The following MASP1 variants were observed in gnomAD, a reference collection of about 807,000 sequenced individuals.
The protein encoded by MASP1 is mannan-binding lectin serine protease 1.
In MASP1, 59 loss-of-function variants were observed where a neutral mutation model predicts 77.1. That is an observed-to-expected ratio of 0.77 (90% CI 0.62 to 0.95). The LOEUF (loss-of-function observed/expected upper bound fraction) is 0.95, where lower values mean the gene tolerates loss of function less well. Among genes scored for constraint, MASP1 ranks in the 40% least tolerant of loss-of-function variants. The probability of loss-of-function intolerance (pLI) is 0.00; values close to 1 mark genes in which losing one functional copy is unlikely to be tolerated. For synonymous variants in MASP1, 362 were observed against 354.5 expected (o/e 1.02, Z -0.24); for missense variants, 885 against 912.9 (o/e 0.97, Z 0.39).
downstream of MASP1, among the ~76,000 whole-genome samples, chr3:187,230,464 A>G (rs1712701942): frequency 6.6e-6 from 1 of 152,224 alleles, no homozygotes; most frequent in Admixed American, 6.5e-5. Flanking sequence ...ATGTGTGCCT[A>G]TAAATTCCCT....
At chr3:187,220,223 T>C (rs372416805) in exon 16 of MASP1, 8 of 1,614,070 alleles carry the variant, frequency 5.0e-6, no homozygotes, top group African/African-American at 2.7e-5. Flanking sequence ...AGGGTCACCA[T>C]GGGGCCTCCA....
intron 2 of MASP1, among the ~76,000 whole-genome samples, chr3:187,268,544 G>GAAAAGAAAAT (rs1457908821): frequency 2.2e-4 from 18 of 83,248 alleles, no homozygotes; most frequent in Non-Finnish European, 3.4e-4. Flanking sequence ...GAAAAGAAAA[G>GAAAAGAAAAT]AAAATAGAAA....
chr3:187,268,588 G>T (rs1293790999), intron 2 of MASP1, among the ~76,000 whole-genome samples: 1 of 151,964 alleles, frequency 6.6e-6, no homozygotes, highest in East Asian at 1.9e-4. Context: ...AGGACTGTAT[G>T]TAGTGAACTT....
chr3:187,247,442 G>A, intron 8 of MASP1: 2 of 1,593,980 alleles, frequency 1.3e-6, no homozygotes, highest in South Asian at 2.2e-5. Context: ...AGGAAGCAGA[G>A]AGAGGAAGAG....
rs2108552089 is a variant in MASP1, at chr3:187,256,754, C to T, written c.654G>A (p.Leu218=). ...KSSECLYTIE[L]EEGFMVNLQF... Reference sequence around the variant, plus strand: ...GCAGGTTGACCATGAAACCCTCCTCCAGCTCGATGGTATACAGGCATTCAG... The same window carrying T: ...GCAGGTTGACCATGAAACCCTCCTCTAGCTCGATGGTATACAGGCATTCAG... Residue 218 remains leucine (L), a synonymous_variant, in exon 5 of 11, where the codon CTG becomes CTA. Coordinates refer to ENST00000296280, the MANE Select transcript of MASP1 (RefSeq NM_139125.4). The T allele has an allele frequency of 6.2e-7, 1 of 1,613,996 alleles. No homozygotes were observed. Among genetic ancestry groups the T allele is most frequent in the Non-Finnish European group, 8.5e-7 (1 of 1,180,014 alleles).
intron 3 of MASP1, among the ~76,000 whole-genome samples, chr3:187,261,287 A>G (rs995540496): frequency 1.3e-5 from 2 of 152,246 alleles, no homozygotes; most frequent in African/African-American, 4.8e-5. Flanking sequence ...TCACACAGAT[A>G]ATAAGTGGCA....
In MASP1 at chr3:187,235,373, A is replaced by G; in HGVS notation, c.*311T>C. On this transcript the variant is annotated 3_prime_UTR_variant, in exon 11 of 11. Coordinates refer to ENST00000296280, the MANE Select transcript of MASP1 (RefSeq NM_139125.4). ...AATAAAGGCCACTGGGGTAAGAAGCATGGCCTGGAAAGGAGTGCTGGGATT... is the reference window on the plus strand; with the variant it reads ...AATAAAGGCCACTGGGGTAAGAAGCGTGGCCTGGAAAGGAGTGCTGGGATT... 1 of 1,432,142 alleles carries G rather than the reference A, an allele frequency of 7.0e-7. No homozygotes were observed. The highest frequency in any genetic ancestry group is 9.2e-7 in the Non-Finnish European group (1 of 1,081,966). The allele number at this position is 1,432,142 out of a possible 1,614,324, so 88.7% of individuals were successfully genotyped here.
chr3:187,288,932 A>G (rs1041792495), intron 1 of MASP1, among the ~76,000 whole-genome samples: 2 of 152,186 alleles, frequency 1.3e-5, no homozygotes, highest in Non-Finnish European at 2.9e-5. Context: ...TATGAAACAA[A>G]TATCTCCCTT....
At chr3:187,286,214 T>C in intron 1 of MASP1, 158 bp from the exon 2 acceptor site, 4 of 680,280 alleles carry the variant, frequency 5.9e-6, no homozygotes, top group Admixed American at 2.2e-5. Context: ...GTCTGTATTA[T>C]GGGAATATAG....
chr3:187,285,786 A>C (rs1364064742), intron 2 of MASP1, 39 bp downstream of exon 2: 1 of 1,518,670 alleles, frequency 6.6e-7, no homozygotes, highest in Admixed American at 1.7e-5. Flanking sequence ...AAATCCCAGA[A>C]GAGAGCCTGG....
At chr3:187,229,807 A>G, downstream of MASP1, 1 of 1,614,148 alleles carries the variant, frequency 6.2e-7, no homozygotes, top group Non-Finnish European at 8.5e-7. Context: ...GTGTGACAGC[A>G]TGGCAATCCA....
chr3:187,272,242 T>TTTG (rs1716586391), intron 2 of MASP1, among the ~76,000 whole-genome samples: 1 of 149,810 alleles, frequency 6.7e-6, no homozygotes, highest in Non-Finnish European at 1.5e-5. Flanking sequence ...ATCTGTGCCC[T>TTTG]TTGTTGACTT....
At chr3:187,268,885 T>C (rs1242216407) in intron 2 of MASP1, among the ~76,000 whole-genome samples, 3 of 151,986 alleles carry the variant, frequency 2.0e-5, no homozygotes, top group Non-Finnish European at 4.4e-5. Context: ...GCCAACATAG[T>C]GAAGCCCCAT....
In MASP1 at chr3:187,235,027, A is replaced by G. The variant is rs1432197851; in HGVS notation, c.*657T>C. 8.5e-6 allele frequency: 11 copies of G among 1,287,036 alleles called. No homozygotes were observed. Among genetic ancestry groups the G allele is most frequent in the Non-Finnish European group, 1.1e-5 (11 of 988,696 alleles). 79.7% of individuals were successfully genotyped at this position (1,287,036 alleles called of 1,614,324 possible). On this transcript the variant is annotated 3_prime_UTR_variant, in exon 11 of 11. Transcript: ENST00000296280. ...AGCACAAACCTTCCCAACTTTCTCC[A>G]TGTCTTTTGAAATTCCTTTAATGGG...
At chr3:187,221,058 A>T in exon 15 of MASP1, 1 of 1,614,060 alleles carries the variant, frequency 6.2e-7, no homozygotes. Flanking sequence ...AGCACAGATC[A>T]TGTCCCTGGT....
In MASP1 at chr3:187,256,789, G is replaced by A; in HGVS notation, c.619C>T (p.Pro207Ser). 1 of 1,613,888 alleles carries A rather than the reference G, an allele frequency of 6.2e-7. No homozygotes were observed. Among genetic ancestry groups the A allele is most frequent in the Non-Finnish European group, 8.5e-7 (1 of 1,179,992 alleles). ...GTATACAGGCATTCAGAGCTCTTGGGGTAAGGGTTTGGGAAGTCAGGGCTG... is the reference window on the plus strand; with the variant it reads ...GTATACAGGCATTCAGAGCTCTTGGAGTAAGGGTTTGGGAAGTCAGGGCTG... ...ITSPDFPNPY[P>S]KSSECLYTIE... Residue 207 changes from proline (P) to serine (S), a missense_variant, in exon 5 of 11, where the codon CCC becomes TCC. Physicochemically the swap from Pro to Ser is moderately conservative, Grantham distance 74 (BLOSUM62 -1). Coordinates refer to ENST00000296280, the MANE Select transcript of MASP1 (RefSeq NM_139125.4).
At chr3:187,246,449 C>A in intron 8 of MASP1, 1 of 985,438 alleles carries the variant, frequency 1.0e-6, no homozygotes, top group Non-Finnish European at 1.2e-6. Context: ...AGAATGGCAC[C>A]TCAGTCTCCA....
intron 8 of MASP1, among the ~76,000 whole-genome samples, chr3:187,247,868 A>T (rs892180555): frequency 2.0e-5 from 3 of 152,180 alleles, no homozygotes; most frequent in Non-Finnish European, 4.4e-5. Flanking sequence ...CCCTTTCTCT[A>T]TCACTGTTTA....
At chr3:187,223,886 G>A (rs1179703515) in intron 13 of MASP1, among the ~76,000 whole-genome samples, 4 of 152,232 alleles carry the variant, frequency 2.6e-5, no homozygotes, top group South Asian at 2.1e-4. Context: ...CATCTCGGGT[G>A]AGTCACCTCA....
Sources: gnomAD v4.1 joint callset for allele counts (sites outside exome capture counted in the v4.1 genomes callset) on GRCh38, gnomAD v4.1.1 for gene constraint, MANE v1.5 for transcripts, NCBI Gene and HGNC (gene_info 2026-07-23, HGNC 2026-07-21) for gene names.